The following HERC1 variants were observed in gnomAD, a reference collection of about 807,000 sequenced individuals.
HERC1 encodes the protein HECT and RLD domain containing E3 ubiquitin protein ligase family member 1.
In HERC1, 160 loss-of-function variants were observed where a neutral mutation model predicts 554.3. The observed-to-expected ratio is 0.29, with a 90% CI of 0.25 to 0.33. The LOEUF is 0.33. HERC1 is among the 10% of genes least tolerant of loss of function. The probability of loss-of-function intolerance (pLI) is 1.00; values close to 1 mark genes in which losing one functional copy is unlikely to be tolerated. For synonymous variants in HERC1, 2,175 were observed against 2,131.7 expected (o/e 1.02, Z -0.56); for missense variants, 4,919 against 5,918.5 (o/e 0.83, Z 5.54).
rs1384000277 is a variant in HERC1 at position 63,615,798 on chromosome 15, A to G, written c.14064T>C (p.Ile4688=). The G allele has an allele frequency of 6.2e-7, 1 of 1,604,536 alleles. No homozygotes were observed. Among genetic ancestry groups the G allele is most frequent in the Non-Finnish European group, 8.5e-7 (1 of 1,177,102 alleles). Residue 4688 remains isoleucine (I), a synonymous_variant, in exon 76 of 78, where the codon ATT becomes ATC. Transcript: ENST00000443617. ...TGTCCATCTCATGAAGTCGATATTC[A>G]ATGGCCCTCTCCACATATTCCTTCC... ...SNRKEYVERA[I]EYRLHEMDRQ... is the part of the protein sequence containing the mutation.
At chr15:63,757,389 A>C (rs912876351) in intron 4 of HERC1, among the ~76,000 whole-genome samples, 26 of 149,434 alleles carry the variant, frequency 1.7e-4, no homozygotes, top group African/African-American at 6.4e-4. Context: ...CAGCCCCCTG[A>C]GTACATGAGA....
In HERC1 at chr15:63,674,520, G is replaced by A. The variant is rs752504847; in HGVS notation, c.7668C>T (p.Asp2556=). The change falls in exon 38 of 78, where the codon GAC becomes GAT. Residue 2556 remains aspartate (D), a synonymous_variant. Transcript: ENST00000443617. Reference sequence around the variant, plus strand: ...ACTGCAGGGCTGCTCGCATCTCCACGTCTTCATGAACAACTGGAGAACTTG... The same window carrying A: ...ACTGCAGGGCTGCTCGCATCTCCACATCTTCATGAACAACTGGAGAACTTG... ...DCASSPVVHE[D]VEMRAALQFL... is the part of the protein sequence containing the mutation. 19 of 1,613,524 alleles carry A rather than the reference G, an allele frequency of 1.2e-5. No individual in the cohort carries two copies. The highest frequency in any genetic ancestry group is 4.5e-5 in the East Asian group (2 of 44,842).
intron 1 of HERC1, among the ~76,000 whole-genome samples, chr15:63,800,507 G>A (rs1484977518): frequency 6.6e-6 from 1 of 152,160 alleles, no homozygotes; most frequent in Non-Finnish European, 1.5e-5. Context: ...AAACAGTACA[G>A]TACCAGAGAT....
chr15:63,650,018 C>A, intron 53 of HERC1, 93 bp from the exon 54 acceptor site: 1 of 860,424 alleles, frequency 1.2e-6, no homozygotes, highest in South Asian at 1.7e-5. Flanking sequence ...AATACACACT[C>A]AAAGCAGTTC....
chr15:63,681,859 A>C (rs573451288), intron 34 of HERC1, among the ~76,000 whole-genome samples: 1 of 152,308 alleles, frequency 6.6e-6, no homozygotes, highest in African/African-American at 2.4e-5. Flanking sequence ...AGAGAACAGA[A>C]GGAAGCCTAC....
intron 1 of HERC1, among the ~76,000 whole-genome samples, chr15:63,796,323 G>A (rs1448240968): frequency 6.6e-6 from 1 of 152,086 alleles, no homozygotes; most frequent in East Asian, 1.9e-4. Context: ...TTTAATATGT[G>A]GATAAGGGTA....
rs919151395 is a variant in HERC1, at chr15:63,758,510, A to G, written c.1027-141T>C. The G allele has an allele frequency of 5.1e-6, 3 of 591,442 alleles. No individual in the cohort carries two copies. The African/African-American group carries it at 5.5e-5, about 11-fold the overall frequency. The allele number at this position is 591,442 out of a possible 1,614,324, so 36.6% of individuals were successfully genotyped here. A position where few individuals can be genotyped will look rare whatever the true frequency, so the allele number is the denominator to read the frequency against. On this transcript the variant is annotated intron_variant, in intron 3 of 77. Transcript: ENST00000443617. This position sits in a 1 kb window ranked among gnomAD's most constrained non-coding sequence, Gnocchi z 4.0. The stretch of plus-strand genomic sequence containing the variant: ...AAGAACCTATTAAATAAAGATAACT[A>G]GACTATTTACTCATATGGAATAAAC...
intron 26 of HERC1, among the ~76,000 whole-genome samples, chr15:63,697,657 G>A (rs978286306): frequency 1.4e-4 from 22 of 152,064 alleles, no homozygotes; most frequent in African/African-American, 4.6e-4. Context: ...GTTTCACCAC[G>A]CTGGTGAGGC....
At chr15:63,711,083 C>T (rs1405779614) in intron 24 of HERC1, among the ~76,000 whole-genome samples, 1 of 152,146 alleles carries the variant, frequency 6.6e-6, no homozygotes, top group Non-Finnish European at 1.5e-5. Context: ...CCTGTAATCC[C>T]AACACTTTGG....
At chr15:63,646,199 C>T (rs765728001) in intron 55 of HERC1, among the ~76,000 whole-genome samples, 18 of 152,196 alleles carry the variant, frequency 1.2e-4, no homozygotes, top group South Asian at 2.1e-4. Flanking sequence ...CATGCATTTA[C>T]GCTACTTGCC....
intron 18 of HERC1, among the ~76,000 whole-genome samples, chr15:63,724,548 T>C (rs2073958857): frequency 6.6e-6 from 1 of 152,218 alleles, no homozygotes; most frequent in South Asian, 2.1e-4. Context: ...TTCCTCTCAG[T>C]CTCTCTTAGA....
At chr15:63,737,050 T>C (rs912775501) in intron 12 of HERC1, among the ~76,000 whole-genome samples, 4 of 151,436 alleles carry the variant, frequency 2.6e-5, no homozygotes, top group African/African-American at 9.7e-5. Context: ...GAACAAAAAT[T>C]AGTATCTTCA....
chr15:63,661,764 T>C lies in HERC1; in HGVS notation c.9159A>G (p.Thr3053=). 1 of 1,613,940 alleles carries C rather than the reference T, an allele frequency of 6.2e-7. No individual in the cohort carries two copies. Among genetic ancestry groups the C allele is most frequent in the Non-Finnish European group, 8.5e-7 (1 of 1,179,832 alleles). Residue 3053 remains threonine, a synonymous_variant, in exon 45 of 78, where the codon ACA becomes ACG. Coordinates refer to ENST00000443617, the MANE Select transcript of HERC1 (RefSeq NM_003922.4). ...CAATTTCAAGGTACCTTTCAGAACT[T>C]GTTGACTTAGATTTGGTCTTCATGG... The part of the protein sequence containing the change: ...YLAMKTKSKS[T]SSERYKGQAP...
At chr15:63,669,109 G>A (rs1368220269) in intron 40 of HERC1, among the ~76,000 whole-genome samples, 2 of 152,104 alleles carry the variant, frequency 1.3e-5, no homozygotes, top group Admixed American at 6.5e-5. Flanking sequence ...GTAACAAAAC[G>A]ATATCTAGAA....
intron 33 of HERC1, among the ~76,000 whole-genome samples, chr15:63,687,980 T>C (rs947659019): frequency 2.0e-5 from 3 of 152,206 alleles, no homozygotes; most frequent in Non-Finnish European, 4.4e-5. Context: ...GAACTCTAGA[T>C]TTTATCCAAA....
Position 63,734,557 on chromosome 15 carries a change from G to A in HERC1, c.2646+167C>T, listed in dbSNP as rs1465988205. ...CAAATAACTTAATAAATTATCACTT[G>A]CTTCACCTAAGGTTGTTAAGACAAC... is the stretch of plus-strand genomic sequence containing the variant. On this transcript the variant is annotated intron_variant, in intron 13 of 77. Transcript: ENST00000443617. The surrounding 1 kb of genome is among the most constrained non-coding windows in gnomAD (Gnocchi z 4.6). The A allele has an allele frequency of 4.3e-6, 2 of 459,816 alleles. No homozygotes were observed. The highest frequency in any genetic ancestry group is 7.6e-6 in the Non-Finnish European group (2 of 264,620). 28.5% of individuals were successfully genotyped at this position (459,816 alleles called of 1,614,324 possible).
intron 51 of HERC1, among the ~76,000 whole-genome samples, chr15:63,653,392 G>A (rs545426471): frequency 1.1e-4 from 17 of 149,478 alleles, no homozygotes; most frequent in South Asian, 2.1e-4. Context: ...ACAGTGAGCC[G>A]AGATCTCACC....
intron 55 of HERC1, among the ~76,000 whole-genome samples, chr15:63,647,032 A>G (rs1218085567): frequency 6.6e-6 from 1 of 152,062 alleles, no homozygotes; most frequent in Non-Finnish European, 1.5e-5. Context: ...AGGCAGGTGG[A>G]TCACTTGAGG....
chr15:63,680,434 G>A lies in HERC1; in HGVS notation c.6465+103C>T, dbSNP rs1046986713. On this transcript the variant is annotated intron_variant, in intron 35 of 77. Coordinates refer to ENST00000443617, the MANE Select transcript of HERC1 (RefSeq NM_003922.4). This position sits in a 1 kb window ranked among gnomAD's most constrained non-coding sequence, Gnocchi z 5.8. ...CAGAAAGTATTAGAGAGAAAGGAGA[G>A]ACGAGCAGATAATCTATAAACTGAA... The A allele has an allele frequency of 1.7e-6, 2 of 1,204,348 alleles. No homozygotes were observed. Among genetic ancestry groups the A allele is most frequent in the Non-Finnish European group, 2.3e-6 (2 of 875,108 alleles). 74.6% of individuals were successfully genotyped at this position (1,204,348 alleles called of 1,614,324 possible).
Sources: allele counts gnomAD v4.1 joint callset (sites outside exome capture counted in the v4.1 genomes callset), GRCh38; gene constraint gnomAD v4.1.1; non-coding constraint Gnocchi (gnomAD v3.1); transcripts MANE v1.5; gene names NCBI Gene and HGNC (gene_info 2026-07-23, HGNC 2026-07-21).